STPG2: variants seen among roughly 807,000 people sequenced by gnomAD.
STPG2 encodes the protein sperm-tail PG-rich repeat-containing protein 2.
In STPG2, 56 loss-of-function variants were observed where a neutral mutation model predicts 54.2. The observed-to-expected ratio is 1.03, with a 90% CI of 0.83 to 1.29. The LOEUF is 1.29. Ranked by LOEUF, STPG2 falls within the 50% of genes most tolerant of loss-of-function variation. The probability of loss-of-function intolerance (pLI) is 0.00; values close to 1 mark genes in which losing one functional copy is unlikely to be tolerated. For missense variants in STPG2, 596 were observed against 544.9 expected, an observed-to-expected ratio of 1.09 and a Z score of -0.93; for synonymous variants, 200 against 181.8, an observed-to-expected ratio of 1.10 and a Z score of -0.81.
intron 4 of STPG2, among the ~76,000 whole-genome samples, chr4:97,450,170 T>TA (rs1490458061): frequency 2.0e-5 from 3 of 151,892 alleles, no homozygotes; most frequent in Non-Finnish European, 2.9e-5. Context: ...TAATAAAAAA[T>TA]AAAAAATCAA....
At chr4:98,133,890 C>T (rs962668422) in intron 2 of STPG2, among the ~76,000 whole-genome samples, 4 of 152,008 alleles carry the variant, frequency 2.6e-5, no homozygotes, top group African/African-American at 9.7e-5. Flanking sequence ...TATTTCTAAA[C>T]ATGAATGAAC....
chr4:97,888,204 G>A (rs1015417374), intron 8 of STPG2, among the ~76,000 whole-genome samples: 3 of 152,170 alleles, frequency 2.0e-5, no homozygotes, highest in African/African-American at 7.2e-5. Context: ...GTTCCACTGG[G>A]GCACTGCTTA....
At chr4:97,647,311 G>A (rs949603869) in intron 10 of STPG2, among the ~76,000 whole-genome samples, 1 of 152,102 alleles carries the variant, frequency 6.6e-6, no homozygotes, top group Non-Finnish European at 1.5e-5. Flanking sequence ...TTAGAATTGT[G>A]TCTGATCCTG....
At chr4:97,726,813 T>C (rs918000010) in intron 9 of STPG2, among the ~76,000 whole-genome samples, 2 of 141,402 alleles carry the variant, frequency 1.4e-5, no homozygotes, top group African/African-American at 3.0e-5. Context: ...AATACAAACA[T>C]ACACACACAC....
intron 4 of STPG2, among the ~76,000 whole-genome samples, chr4:97,484,600 A>C (rs1426859139): frequency 2.0e-5 from 3 of 151,878 alleles, no homozygotes; most frequent in African/African-American, 7.2e-5. Context: ...GTCCAGGACC[A>C]GACGAATTCA....
At chr4:97,691,279 A>G (rs1016029638) in intron 10 of STPG2, among the ~76,000 whole-genome samples, 5 of 152,088 alleles carry the variant, frequency 3.3e-5, no homozygotes, top group Non-Finnish European at 5.9e-5. Flanking sequence ...GCCTGGGGCA[A>G]GTTTTAAGCC....
intron 8 of STPG2, among the ~76,000 whole-genome samples, chr4:97,899,972 C>T (rs1007537703): frequency 1.3e-5 from 2 of 148,848 alleles, no homozygotes; most frequent in East Asian, 3.9e-4. Flanking sequence ...AAACTATCAA[C>T]AGAGTGAACA....
intron 4 of STPG2, among the ~76,000 whole-genome samples, chr4:97,540,977 A>C (rs566613720): frequency 6.6e-6 from 1 of 152,324 alleles, no homozygotes; most frequent in African/African-American, 2.4e-5. Context: ...TTTCAAAATA[A>C]TAAGAGGTAT....
At chr4:97,934,859 T>C (rs1198797058) in intron 8 of STPG2, among the ~76,000 whole-genome samples, 2 of 152,222 alleles carry the variant, frequency 1.3e-5, no homozygotes, top group South Asian at 2.1e-4. Context: ...ATCAGGATGA[T>C]GCTGGCCTCA....
At chr4:98,003,702 T>C (rs965392313) in intron 5 of STPG2, among the ~76,000 whole-genome samples, 4 of 152,098 alleles carry the variant, frequency 2.6e-5, no homozygotes, top group Non-Finnish European at 5.9e-5. Flanking sequence ...TGTGGTCAAA[T>C]GGTTGTATCA....
At chr4:97,951,268 G>A (rs1033415554) in intron 7 of STPG2, among the ~76,000 whole-genome samples, 5 of 152,088 alleles carry the variant, frequency 3.3e-5, no homozygotes, top group African/African-American at 7.2e-5. Context: ...AGACAGCTCT[G>A]CATTAATAAC....
intron 5 of STPG2, among the ~76,000 whole-genome samples, chr4:98,025,229 C>G (rs958735487): frequency 1.3e-5 from 2 of 152,120 alleles, no homozygotes; most frequent in Admixed American, 1.3e-4. Flanking sequence ...AGTATCAAAC[C>G]TTTTTTACTT....
chr4:98,004,865 C>A (rs556413611), intron 5 of STPG2, among the ~76,000 whole-genome samples: 73 of 150,182 alleles, frequency 4.9e-4, no homozygotes, highest in Non-Finnish European at 7.7e-4. Context: ...AATTTGAGTT[C>A]TTTCTATATT....
intron 5 of STPG2, among the ~76,000 whole-genome samples, chr4:97,996,361 C>T (rs545635670): frequency 6.6e-6 from 1 of 152,282 alleles, no homozygotes; most frequent in Admixed American, 6.5e-5. Flanking sequence ...AAGAACTCCT[C>T]GTTTAATAGA....
intron 10 of STPG2, among the ~76,000 whole-genome samples, chr4:97,603,910 C>T (rs1238091560): frequency 6.6e-6 from 1 of 151,362 alleles, no homozygotes; most frequent in South Asian, 2.1e-4. Context: ...AGATTGGTTG[C>T]ACAAAAAATG....
At chr4:97,908,129 G>C (rs1490623532) in intron 8 of STPG2, among the ~76,000 whole-genome samples, 1 of 151,244 alleles carries the variant, frequency 6.6e-6, no homozygotes, top group South Asian at 2.1e-4. Flanking sequence ...TCTGACAAAG[G>C]GCTAATATCC....
chr4:98,022,143 C>T (rs555829339), intron 5 of STPG2, among the ~76,000 whole-genome samples: 56,440 of 149,284 alleles, frequency 0.38, 10,277 homozygotes, highest in Middle Eastern at 0.44. Flanking sequence ...CATGTTTTTG[C>T]AGTGGCTGGT....
intron 5 of STPG2, among the ~76,000 whole-genome samples, chr4:98,030,038 C>A (rs997946178): frequency 1.3e-5 from 2 of 152,188 alleles, no homozygotes; most frequent in African/African-American, 4.8e-5. Flanking sequence ...CACTGGACCC[C>A]AGAAACTTCA....
chr4:97,543,833 A>C (rs1197306367), intron 4 of STPG2, among the ~76,000 whole-genome samples: 1 of 152,124 alleles, frequency 6.6e-6, no homozygotes, highest in Non-Finnish European at 1.5e-5. Flanking sequence ...GGTAAGAATC[A>C]CCTGGGGAAC....
Sources: allele counts gnomAD v4.1 joint callset (sites outside exome capture counted in the v4.1 genomes callset), GRCh38; gene constraint gnomAD v4.1.1; transcripts MANE v1.5; gene names NCBI Gene and HGNC (gene_info 2026-07-23, HGNC 2026-07-21).